APBB3: variants seen among roughly 807,000 people sequenced by gnomAD.
The protein encoded by APBB3 is amyloid-beta A4 precursor protein-binding family B member 3.
A neutral mutation model predicts 61.5 loss-of-function variants in APBB3; 50 were observed. That is an observed-to-expected ratio of 0.81 (90% CI 0.65 to 1.03). APBB3 has a LOEUF of 1.03. APBB3 is among the 50% of genes least tolerant of loss of function. APBB3 has a pLI of 0.00. For missense variants in APBB3, 550 were observed against 637.4 expected (o/e 0.86, Z 1.48); for synonymous variants, 235 against 233.0 (o/e 1.01, Z -0.08).
At chr5:140,561,978 G>A in intron 6 of APBB3, 122 bp downstream of exon 6, 1 of 1,611,358 alleles carries the variant, frequency 6.2e-7, no homozygotes, top group Non-Finnish European at 8.5e-7. Flanking sequence ...AAGCAGTCCT[G>A]GGTCCACATC....
chr5:140,561,275 C>A, intron 9 of APBB3, 90 bp downstream of exon 9: 2 of 1,529,456 alleles, frequency 1.3e-6, no homozygotes, highest in South Asian at 1.1e-5. Flanking sequence ...GAAATTTATC[C>A]ACAGAAGTAT....
Position 140,563,826 on chromosome 5 carries a change from AG to A in APBB3, c.138del (p.Trp47GlyfsTer17). 1 of 1,614,212 alleles carries A rather than the reference AG, an allele frequency of 6.2e-7. No homozygotes were observed. Among genetic ancestry groups the A allele is most frequent in the Non-Finnish European group, 8.5e-7 (1 of 1,180,030 alleles). On this transcript the variant is annotated frameshift_variant, in exon 2 of 13. Transcript: ENST00000357560. LOFTEE classifies it high-confidence loss of function. The stretch of plus-strand genomic sequence containing the variant: ...TGGGTGCTACCGCTGGGTACATGCC[AG>A]TAGTAAGTACCTGCAGCATCGTGGA... ...RKIHDAAGTY[Y>X]WHVPSGSTQW...
intron 4 of APBB3, 70 bp downstream of exon 4, chr5:140,562,593 T>A: frequency 6.2e-7 from 1 of 1,610,524 alleles, no homozygotes; most frequent in Non-Finnish European, 8.5e-7. Context: ...CTTGATCACC[T>A]CTGTTCAGTC....
Position 140,558,545 on chromosome 5 carries a change from A to G in APBB3, c.*40T>C. On this transcript the variant is annotated 3_prime_UTR_variant, in exon 13 of 13. Transcript: ENST00000357560. ...GGAATAAAACGGTACAGAGTTAGGC[A>G]TGGACCCAGAGCCTACTTCCCCAGC... 6.3e-7 allele frequency: 1 copy of G among 1,586,618 alleles called. No homozygotes were observed. Among genetic ancestry groups the G allele is most frequent in the Non-Finnish European group, 8.7e-7 (1 of 1,154,706 alleles).
chr5:140,561,237 C>G, intron 9 of APBB3, 128 bp downstream of exon 9: 2 of 1,447,704 alleles, frequency 1.4e-6, no homozygotes, highest in Non-Finnish European at 1.9e-6. Context: ...CAACTAGTGG[C>G]TTGGGATCCC....
At position 140,560,566 on chromosome 5, in the gene APBB3, C is replaced by A; in HGVS notation, c.1033-62G>T. ...ACGGGCCAGACCCACTTAACTTTTC[C>A]GACAGCAAGCAGTGACCCCTCAGCA... On this transcript the variant is annotated intron_variant, in intron 11 of 12. Coordinates refer to ENST00000357560, the MANE Select transcript of APBB3 (RefSeq NM_133173.3). The surrounding 1 kb of genome is among the most constrained non-coding windows in gnomAD (Gnocchi z 5.1). 6.2e-7 allele frequency: 1 copy of A among 1,605,472 alleles called. No homozygotes were observed. The highest frequency in any genetic ancestry group is 1.1e-5 in the South Asian group (1 of 90,496).
intron 7 of APBB3, 69 bp from the exon 8 acceptor site, chr5:140,561,770 G>T: frequency 6.2e-7 from 1 of 1,614,028 alleles, no homozygotes; most frequent in Non-Finnish European, 8.5e-7. Flanking sequence ...AGGCTGGAAA[G>T]TCAGGCTAGG....
chr5:140,558,588 G>C lies in APBB3; in HGVS notation c.1458C>G (p.Pro486=), dbSNP rs1216403027. ...FRLKPSLLHM[P] ...TCCCCAGCCTTCCCAGATAAGTTTA[G>C]GGCATATGGAGCAGAGAGGGTTTCA... Residue 486 remains proline, a synonymous_variant, in exon 13 of 13, where the codon CCC becomes CCG. Coordinates refer to ENST00000357560, the MANE Select transcript of APBB3 (RefSeq NM_133173.3). The C allele has an allele frequency of 1.2e-6, 2 of 1,614,114 alleles. No homozygotes were observed. The highest frequency in any genetic ancestry group is 1.1e-5 in the South Asian group (1 of 91,080).
Position 140,562,155 on chromosome 5 carries a change from G to A in APBB3, c.571C>T (p.His191Tyr), listed in dbSNP as rs1322026776. 1.2e-6 allele frequency: 2 copies of A among 1,614,060 alleles called. No individual in the cohort carries two copies. The highest frequency in any genetic ancestry group is 1.7e-6 in the Non-Finnish European group (2 of 1,180,030). ...LVNPLDHSLI[H>Y]CQPLVHIRVW... is the part of the protein sequence containing the mutation. ...CGGATGTGCACCAGAGGCTGGCAGT[G>A]GATCAGACTGTGGTCCAGGGGATTC... The change falls in exon 6 of 13, where the codon CAC (histidine) becomes TAC (tyrosine). Residue 191 changes from histidine (H) to tyrosine (Y), a missense_variant. This residue lies in a region of APBB3 where 405 missense variants were observed against 483.4 expected (regional missense o/e 0.84). Coordinates refer to ENST00000357560, the MANE Select transcript of APBB3 (RefSeq NM_133173.3).
chr5:140,560,352 A>G lies in APBB3; in HGVS notation c.1185T>C (p.His395=). ...FQCAAFWCQP[H]AGGLSEAVQA... ...GCACAGCTTCAGAGAGTCCCCCTGC[A>G]TGGGGCTGGCACCAGAAGGCTGCGC... Residue 395 remains histidine (H), a synonymous_variant, in exon 12 of 13, where the codon CAT becomes CAC. Coordinates refer to ENST00000357560, the MANE Select transcript of APBB3 (RefSeq NM_133173.3). The surrounding 1 kb of genome is among the most constrained non-coding windows in gnomAD (Gnocchi z 5.1). The G allele has an allele frequency of 5.6e-6, 9 of 1,613,528 alleles. No individual in the cohort carries two copies. The highest frequency in any genetic ancestry group is 7.6e-6 in the Non-Finnish European group (9 of 1,179,988).
intron 4 of APBB3, 71 bp from the exon 5 acceptor site, chr5:140,562,570 C>A (rs1755012329): frequency 6.2e-7 from 1 of 1,609,050 alleles, no homozygotes; most frequent in Admixed American, 1.7e-5. Context: ...AATACATACT[C>A]CCTGTCTTCA....
rs1284972685 is a variant in APBB3 at position 140,560,236 on chromosome 5, G to A, written c.1224+77C>T. Reference sequence around the variant, plus strand: ...CAGGTTTGTGATCTCTGAAGAGGCTGCCGACCCGGAGCCCAAGTAAACAGT... The same window carrying A: ...CAGGTTTGTGATCTCTGAAGAGGCTACCGACCCGGAGCCCAAGTAAACAGT... On this transcript the variant is annotated intron_variant, in intron 12 of 12. Transcript: ENST00000357560. The surrounding 1 kb of genome is among the most constrained non-coding windows in gnomAD (Gnocchi z 5.1). The A allele has an allele frequency of 1.3e-6, 2 of 1,511,196 alleles. No individual in the cohort carries two copies. Among genetic ancestry groups the A allele is most frequent in the Non-Finnish European group, 1.8e-6 (2 of 1,111,022 alleles). 93.6% of individuals were successfully genotyped at this position (1,511,196 alleles called of 1,614,324 possible).
In APBB3 at chr5:140,560,916, C is replaced by T; in HGVS notation, c.916+102G>A. The T allele has an allele frequency of 6.9e-7, 1 of 1,440,294 alleles. No individual in the cohort carries two copies. The highest frequency in any genetic ancestry group is 9.6e-7 in the Non-Finnish European group (1 of 1,043,194). The allele number at this position is 1,440,294 out of a possible 1,614,324, so 89.2% of individuals were successfully genotyped here. A position where few individuals can be genotyped will look rare whatever the true frequency, so the allele number is the denominator to read the frequency against. On this transcript the variant is annotated intron_variant, in intron 10 of 12. Transcript: ENST00000357560. The surrounding 1 kb of genome is among the most constrained non-coding windows in gnomAD (Gnocchi z 5.1). ...AAGGCTGGTAGACCCCAGGCCATAA[C>T]AAGGCCACGGGAGGACTCTTGAGAA...
Position 140,560,706 on chromosome 5 carries a change from T to TC in APBB3, c.964dup (p.Asp322GlyfsTer14). The TC allele has an allele frequency of 6.2e-7, 1 of 1,613,916 alleles. No individual in the cohort carries two copies. Among genetic ancestry groups the TC allele is most frequent in the East Asian group, 2.2e-5 (1 of 44,880 alleles). Reference sequence around the variant, plus strand: ...CATGGTGGGGACCCAGGCATTCCGGTCCCCCCTGGCGGTGAGGGTACCAAT... The same window carrying TC: ...CATGGTGGGGACCCAGGCATTCCGGTCCCCCCCTGGCGGTGAGGGTACCAAT... On this transcript the variant is annotated frameshift_variant, in exon 11 of 13. Coordinates refer to ENST00000357560, the MANE Select transcript of APBB3 (RefSeq NM_133173.3). LOFTEE classifies it high-confidence loss of function. This position sits in a 1 kb window ranked among gnomAD's most constrained non-coding sequence, Gnocchi z 5.1.
rs553019305 is a variant in APBB3 at position 140,560,392 on chromosome 5, C to A, written c.1145G>T (p.Arg382Leu). The change falls in exon 12 of 13, where the codon CGT becomes CTT. Residue 382 changes from arginine to leucine, a missense_variant. Arg to Leu is a moderately radical substitution (Grantham distance 102, BLOSUM62 -2). Coordinates refer to ENST00000357560, the MANE Select transcript of APBB3 (RefSeq NM_133173.3). This position sits in a 1 kb window ranked among gnomAD's most constrained non-coding sequence, Gnocchi z 5.1. ...GAAGGCTGCGCACTGGAAGCTCTGA[C>A]GGCCCAGGTCAGCGATGAGGCCAAA... ...HTFGLIADLG[R>L]QSFQCAAFWC... 4 of 1,614,240 alleles carry A rather than the reference C, an allele frequency of 2.5e-6. No homozygotes were observed. In the Admixed American group the frequency reaches 6.7e-5, roughly 27 times the overall value.
chr5:140,564,433 C>T lies in APBB3; in HGVS notation c.-188G>A. ...GTCCCGGGGGAGGGCCTGAGCCGCA[C>T]AGCCCGCCCAGGGGTGGTGCGTGTA... On this transcript the variant is annotated 5_prime_UTR_variant, in exon 1 of 13. In the 5' UTR this introduces an upstream ATG that the reference lacks. Coordinates refer to ENST00000357560, the MANE Select transcript of APBB3 (RefSeq NM_133173.3). This position sits in a 1 kb window ranked among gnomAD's most constrained non-coding sequence, Gnocchi z 5.0. 1 of 646,248 alleles carries T rather than the reference C, an allele frequency of 1.5e-6. No homozygotes were observed. The highest frequency in any genetic ancestry group is 2.6e-6 in the Non-Finnish European group (1 of 380,014). 40.0% of individuals were successfully genotyped at this position (646,248 alleles called of 1,614,324 possible). A position where few individuals can be genotyped will look rare whatever the true frequency, so the allele number is the denominator to read the frequency against.
rs1755111678 is a variant in APBB3 at position 140,564,270 on chromosome 5, T to C, written c.-25A>G. ...TAACCCCGGCTGCTCCCCGCCAGCC[T>C]CTGCCGGCCCGCACTCTCAGCCCAG... On this transcript the variant is annotated 5_prime_UTR_variant, in exon 1 of 13. Transcript: ENST00000357560. The surrounding 1 kb of genome is among the most constrained non-coding windows in gnomAD (Gnocchi z 5.0). The C allele has an allele frequency of 6.2e-7, 1 of 1,605,918 alleles. No individual in the cohort carries two copies. The highest frequency in any genetic ancestry group is 1.3e-5 in the African/African-American group (1 of 75,038).
chr5:140,560,608 C>T lies in APBB3; in HGVS notation c.1032+31G>A. 1 of 1,612,468 alleles carries T rather than the reference C, an allele frequency of 6.2e-7. No individual in the cohort carries two copies. The highest frequency in any genetic ancestry group is 1.1e-5 in the South Asian group (1 of 91,016). ...CCCTCAGCATCCCTGCTCACCCCTC[C>T]AAAGCCCCCAACTTCACCCTCTTCT... is the stretch of plus-strand genomic sequence containing the variant. On this transcript the variant is annotated intron_variant, in intron 11 of 12. Transcript: ENST00000357560. The surrounding 1 kb of genome is among the most constrained non-coding windows in gnomAD (Gnocchi z 5.1).
Position 140,562,090 on chromosome 5 carries a change from G to A in APBB3, c.626+10C>T, listed in dbSNP as rs199700470. The A allele has an allele frequency of 1.9e-4, 303 of 1,613,604 alleles. 5 individuals are homozygous for A. The South Asian group carries it at 3.1e-3, about 17-fold the overall frequency. On this transcript the variant is annotated intron_variant, in intron 6 of 12. Coordinates refer to ENST00000357560, the MANE Select transcript of APBB3 (RefSeq NM_133173.3). ...AGTAGCTCTTGCTTGGGGGATGTAG[G>A]CATCCTCACCGGCCCTTGGAGCTCC...
Sources: allele counts gnomAD v4.1 joint callset, GRCh38; gene constraint gnomAD v4.1.1; regional missense constraint gnomAD v4.1.1; non-coding constraint Gnocchi (gnomAD v3.1); transcripts MANE v1.5; gene names NCBI Gene and HGNC (gene_info 2026-07-23, HGNC 2026-07-21).